The following POLR1C variants were observed in gnomAD, a reference collection of about 807,000 sequenced individuals.
The protein encoded by POLR1C is DNA-directed RNA polymerases I and III subunit RPAC1.
POLR1C carries 42 observed loss-of-function variants against 38.3 expected under a neutral mutation model. That is an observed-to-expected ratio of 1.10 (90% CI 0.86 to 1.42). The LOEUF (loss-of-function observed/expected upper bound fraction) is 1.42, where lower values mean the gene tolerates loss of function less well. Among genes scored for constraint, POLR1C ranks in the 40% most tolerant of loss-of-function variants. The pLI is 0.00. For synonymous variants in POLR1C, 163 were observed against 163.9 expected, an observed-to-expected ratio of 0.99 and a Z score of 0.04; for missense variants, 507 against 450.5, an observed-to-expected ratio of 1.13 and a Z score of -1.14.
chr6:43,528,890 G>A (rs1488842194), intron 8 of POLR1C: 1 of 1,613,754 alleles, frequency 6.2e-7, no homozygotes, highest in East Asian at 2.2e-5. Context: ...TAGTGCTCTG[G>A]GGGACAGAAG....
intron 10 of POLR1C, chr6:43,560,995 C>T (rs758558062): frequency 6.2e-7 from 1 of 1,613,810 alleles, no homozygotes; most frequent in Non-Finnish European, 8.5e-7. Context: ...GTTTCTACAT[C>T]AGAATCTGCA....
At chr6:43,547,266 C>G (rs1486702943) in intron 9 of POLR1C, 1 of 384,970 alleles carries the variant, frequency 2.6e-6, no homozygotes, top group Non-Finnish European at 4.9e-6. Context: ...GCAAGTTAAG[C>G]CATCACTTAA....
chr6:43,543,042 A>G (rs1794782055), intron 9 of POLR1C, among the ~76,000 whole-genome samples: 1 of 152,352 alleles, frequency 6.6e-6, no homozygotes, highest in South Asian at 2.1e-4. Flanking sequence ...AAAAAACACA[A>G]GTACATTCAT....
chr6:43,540,832 A>G (rs1794653817), intron 9 of POLR1C, among the ~76,000 whole-genome samples: 1 of 152,202 alleles, frequency 6.6e-6, no homozygotes, highest in South Asian at 2.1e-4. Context: ...TTTTCAAAGA[A>G]CCAGCTTTAT....
chr6:43,558,095 C>CAA (rs112872524), intron 10 of POLR1C, among the ~76,000 whole-genome samples: 17 of 134,052 alleles, frequency 1.3e-4, no homozygotes, highest in African/African-American at 4.3e-4. Context: ...AACTCCATCT[C>CAA]AAAAAAAAAA....
chr6:43,520,259 CAT>C lies in POLR1C; in HGVS notation c.503-15_503-14del, dbSNP rs746639153. 2.5e-6 allele frequency: 4 copies of C among 1,613,402 alleles called. No individual in the cohort carries two copies. In the South Asian group the frequency reaches 3.3e-5, roughly 13 times the overall value. On this transcript the variant is annotated splice_polypyrimidine_tract_variant and intron_variant, in intron 5 of 8. Transcript: ENST00000642195. ...AGTTTTAGGGACTGAGATCTTCTGA[CAT>C]GTTTTTCCTCCAGTGTATACCAGGC...
downstream of POLR1C, among the ~76,000 whole-genome samples, chr6:43,524,291 G>T (rs2127696946): frequency 6.6e-6 from 1 of 151,218 alleles, no homozygotes; most frequent in South Asian, 2.1e-4. Flanking sequence ...GGCGGAGGTT[G>T]TGGTGAGCTG....
chr6:43,546,883 C>T (rs977450516), intron 9 of POLR1C: 2 of 883,776 alleles, frequency 2.3e-6, no homozygotes, highest in Non-Finnish European at 3.3e-6. Context: ...TCCTCTGCTC[C>T]CCGGCAATCC....
At chr6:43,547,737 C>T (rs1339986485) in intron 9 of POLR1C, 17 of 1,595,370 alleles carry the variant, frequency 1.1e-5, no homozygotes, top group African/African-American at 4.0e-5. Context: ...AAACAAGTTA[C>T]ATCATGACTT....
At chr6:43,520,876 G>C in intron 7 of POLR1C, 56 bp from the exon 8 acceptor site, 2 of 1,600,610 alleles carry the variant, frequency 1.2e-6, no homozygotes, top group Non-Finnish European at 1.7e-6. Flanking sequence ...AACCTGGTTT[G>C]CTACCAAGTG....
intron 9 of POLR1C, among the ~76,000 whole-genome samples, chr6:43,549,087 T>C (rs115283090): frequency 0.018 from 2,798 of 152,308 alleles, 34 homozygotes; most frequent in South Asian, 0.04. Flanking sequence ...ATTTTTGAGA[T>C]GGAGTTTCGC....
At chr6:43,547,902 C>T (rs1178575463) in intron 9 of POLR1C, among the ~76,000 whole-genome samples, 5 of 152,088 alleles carry the variant, frequency 3.3e-5, no homozygotes, top group Non-Finnish European at 5.9e-5. Context: ...TTATTAGTAA[C>T]AATTTAAGAA....
At chr6:43,536,464 G>C (rs911303607) in intron 9 of POLR1C, among the ~76,000 whole-genome samples, 1 of 149,966 alleles carries the variant, frequency 6.7e-6, no homozygotes, top group Non-Finnish European at 1.5e-5. Context: ...ATATGGTCTA[G>C]AAGTTTTACT....
downstream of POLR1C, chr6:43,526,383 G>T: frequency 2.2e-6 from 1 of 454,870 alleles, no homozygotes; most frequent in Admixed American, 3.4e-5. Flanking sequence ...AGTAGCTGGG[G>T]TTGCCATTTT....
At chr6:43,530,987 C>A (rs1332560736), downstream of POLR1C, among the ~76,000 whole-genome samples, 1 of 152,202 alleles carries the variant, frequency 6.6e-6, no homozygotes, top group Non-Finnish European at 1.5e-5. Context: ...TTTTTAAAGA[C>A]AGATGTTGGT....
At chr6:43,549,780 TCTACCACC>T in intron 9 of POLR1C, 1 of 1,256,174 alleles carries the variant, frequency 8.0e-7, no homozygotes, top group Non-Finnish European at 1.1e-6. Flanking sequence ...TATATGATAA[TCTACCACC>T]CTTACTACCC....
At chr6:43,525,732 A>G, downstream of POLR1C, 2 of 1,186,754 alleles carry the variant, frequency 1.7e-6, no homozygotes, top group Non-Finnish European at 2.3e-6. Context: ...CTTATGTAAC[A>G]AAGGAGTATT....
chr6:43,523,620 A>G (rs781563050), downstream of POLR1C: 1 of 734,752 alleles, frequency 1.4e-6, no homozygotes. Context: ...CAAATCTCCA[A>G]GTAGAATGGG....
chr6:43,521,740 A>G (rs1793202777), downstream of POLR1C, among the ~76,000 whole-genome samples: 1 of 151,912 alleles, frequency 6.6e-6, no homozygotes, highest in South Asian at 2.1e-4. Context: ...CATGTTGGTC[A>G]GGCTGGTGTC....
Sources: allele counts gnomAD v4.1 joint callset (sites outside exome capture counted in the v4.1 genomes callset), GRCh38; gene constraint gnomAD v4.1.1; transcripts MANE v1.5; gene names NCBI Gene and HGNC (gene_info 2026-07-23, HGNC 2026-07-21).